The following AGO2 variants were observed in gnomAD, a reference collection of about 807,000 sequenced individuals.
The protein encoded by AGO2 is protein argonaute-2.
A neutral mutation model predicts 102.3 loss-of-function variants in AGO2; 5 were observed. The ratio of observed to expected loss-of-function variants is 0.05; its 90% CI spans 0.03 to 0.10. The LOEUF is 0.10. Ranked by LOEUF, AGO2 falls within the 10% of genes least tolerant of loss-of-function variation. The pLI is 1.00. For synonymous variants in AGO2, 449 were observed against 473.1 expected (o/e 0.95, Z 0.66); for missense variants, 541 against 1,183.7 (o/e 0.46, Z 7.97).
At chr8:140,620,969 A>C (rs2074210211) in intron 1 of AGO2, among the ~76,000 whole-genome samples, 1 of 152,158 alleles carries the variant, frequency 6.6e-6, no homozygotes, top group African/African-American at 2.4e-5. Flanking sequence ...GCTGGAGTGC[A>C]ATGGCATGAT....
At chr8:140,637,402 G>A (rs1421478579), upstream of AGO2, 1 of 152,258 alleles carries the variant, frequency 6.6e-6, no homozygotes, top group Non-Finnish European at 1.5e-5. Context: ...AGAAGGCTCT[G>A]TCATCACTGG....
intron 18 of AGO2, 56 bp from the exon 19 acceptor site, chr8:140,532,208 G>A (rs887753900): frequency 2.6e-5 from 40 of 1,518,238 alleles, no homozygotes; most frequent in Non-Finnish European, 3.5e-5. Context: ...GCACGATGAG[G>A]CAGTGCGTCG....
intron 2 of AGO2, among the ~76,000 whole-genome samples, chr8:140,583,336 C>T (rs2073586779): frequency 6.6e-6 from 1 of 152,202 alleles, no homozygotes; most frequent in Non-Finnish European, 1.5e-5. Flanking sequence ...ATCATGTGAG[C>T]CAATTCCCCT....
chr8:140,588,433 T>C (rs950990596), intron 1 of AGO2, among the ~76,000 whole-genome samples: 1 of 152,010 alleles, frequency 6.6e-6, no homozygotes, highest in African/African-American at 2.4e-5. Flanking sequence ...GTGTAAATAA[T>C]GTACATATCT....
At chr8:140,636,558 C>T (rs2074411277), upstream of AGO2, 1 of 152,304 alleles carries the variant, frequency 6.6e-6, no homozygotes, top group Non-Finnish European at 1.5e-5. Context: ...CACCCCGTGG[C>T]ATCGGCTGTC....
intron 1 of AGO2, among the ~76,000 whole-genome samples, chr8:140,615,435 C>T (rs762565572): frequency 6.6e-6 from 1 of 152,236 alleles, no homozygotes; most frequent in Non-Finnish European, 1.5e-5. Context: ...CTTCTCATGC[C>T]ACAGTGGCCC....
In AGO2 at chr8:140,529,859, C is replaced by T. The variant is rs1378920628; in HGVS notation, c.*2185G>A. 4 of 152,216 alleles carry T rather than the reference C, an allele frequency of 2.6e-5. No individual in the cohort carries two copies. The highest frequency in any genetic ancestry group is 4.4e-5 in the Non-Finnish European group (3 of 68,042). 9.4% of individuals were successfully genotyped at this position (152,216 alleles called of 1,614,324 possible). ...GCCTGACGCAGGTGGAAGAAACACA[C>T]CTTTGAGACACATGGTTCCAGATGA... On this transcript the variant is annotated 3_prime_UTR_variant, in exon 19 of 19. Coordinates refer to ENST00000220592, the MANE Select transcript of AGO2 (RefSeq NM_012154.5).
At chr8:140,547,350 G>A (rs2072918588) in intron 13 of AGO2, 118 bp downstream of exon 13, 22 of 1,266,724 alleles carry the variant, frequency 1.7e-5, no homozygotes, top group South Asian at 4.3e-5. Context: ...TGGCCAGGAC[G>A]GTGCTGGGCC....
intron 3 of AGO2, among the ~76,000 whole-genome samples, chr8:140,563,097 C>T (rs1453767444): frequency 6.6e-6 from 1 of 152,236 alleles, no homozygotes; most frequent in East Asian, 1.9e-4. Flanking sequence ...CACACACGAG[C>T]CCACTCAGGT....
intron 1 of AGO2, among the ~76,000 whole-genome samples, chr8:140,631,459 G>A (rs528239459): frequency 9.2e-4 from 139 of 151,912 alleles, no homozygotes; most frequent in Admixed American, 1.4e-3. Flanking sequence ...GCTTGAACCC[G>A]GGAGGAGGAG....
Position 140,521,815 on chromosome 8 carries a change from A to G in AGO2, c.*10229T>C, listed in dbSNP as rs1275744177. ...ACAGTCCGTTTGCTGCTTATGAAAT[A>G]AACTCTTAGAAAATGTGCCAGAGGA... is the stretch of plus-strand genomic sequence containing the variant. On this transcript the variant is annotated 3_prime_UTR_variant, in exon 19 of 19. Coordinates refer to ENST00000220592, the MANE Select transcript of AGO2 (RefSeq NM_012154.5). 6.6e-6 allele frequency: 1 copy of G among 152,226 alleles called. No individual in the cohort carries two copies. The highest frequency in any genetic ancestry group is 1.9e-4 in the East Asian group (1 of 5,204). 9.4% of individuals were successfully genotyped at this position (152,226 alleles called of 1,614,324 possible).
chr8:140,531,911 G>T lies in AGO2; in HGVS notation c.*133C>A, dbSNP rs1023984736. 3 of 788,152 alleles carry T rather than the reference G, an allele frequency of 3.8e-6. No homozygotes were observed. Among genetic ancestry groups the T allele is most frequent in the South Asian group, 3.4e-5 (2 of 58,118 alleles). The allele number at this position is 788,152 out of a possible 1,614,324, so 48.8% of individuals were successfully genotyped here. A position where few individuals can be genotyped will look rare whatever the true frequency, so the allele number is the denominator to read the frequency against. ...TGGGACGGAAGGCATTCTGGAAAAC[G>T]GAGAATCTAATAAAATCAATGACGT... On this transcript the variant is annotated 3_prime_UTR_variant, in exon 19 of 19. Coordinates refer to ENST00000220592, the MANE Select transcript of AGO2 (RefSeq NM_012154.5).
intron 14 of AGO2, among the ~76,000 whole-genome samples, chr8:140,542,647 G>GA (rs1332383939): frequency 6.6e-6 from 1 of 151,928 alleles, no homozygotes; most frequent in Non-Finnish European, 1.5e-5. Context: ...CATTTGTACA[G>GA]AAAAAAACAA....
At chr8:140,548,631 G>A (rs954791083) in intron 12 of AGO2, among the ~76,000 whole-genome samples, 1 of 152,174 alleles carries the variant, frequency 6.6e-6, no homozygotes, top group Non-Finnish European at 1.5e-5. Context: ...AGAGAAGTGT[G>A]GTTTTTACAT....
At chr8:140,560,215 C>T (rs1048471519) in intron 5 of AGO2, among the ~76,000 whole-genome samples, 159 bp downstream of exon 5, 7 of 152,240 alleles carry the variant, frequency 4.6e-5, no homozygotes, top group Admixed American at 3.3e-4. Context: ...GTAACCCACC[C>T]AACACTGCAG....
At chr8:140,611,330 G>GTTTTTTT (rs57728629) in intron 1 of AGO2, among the ~76,000 whole-genome samples, 3 of 147,848 alleles carry the variant, frequency 2.0e-5, no homozygotes, top group Non-Finnish European at 3.0e-5. Context: ...TTAAGCCTTT[G>GTTTTTTT]TTTTTTTTTT....
chr8:140,604,776 G>A (rs886547636), intron 1 of AGO2, among the ~76,000 whole-genome samples: 4 of 151,478 alleles, frequency 2.6e-5, no homozygotes, highest in East Asian at 2.0e-4. Context: ...GCAGTGAGCC[G>A]AGGTCGCGCC....
At position 140,549,170 on chromosome 8, in the gene AGO2, G is replaced by A. The variant is rs977856581; in HGVS notation, c.1532C>T (p.Thr511Met). The A allele has an allele frequency of 3.1e-6, 5 of 1,613,424 alleles. No homozygotes were observed. The highest frequency in any genetic ancestry group is 1.7e-5 in the Admixed American group (1 of 60,010). Residue 511 changes from threonine (T) to methionine (M), a missense_variant, in exon 12 of 19, where the codon ACG (threonine) becomes ATG (methionine). Around this residue, in one of 6 missense-constraint regions of AGO2, gnomAD observed 309 missense variants for 735.1 expected, o/e 0.42. Coordinates refer to ENST00000220592, the MANE Select transcript of AGO2 (RefSeq NM_012154.5). ...CACCACCAGCTGCAGGCCCGCATAC[G>A]TGTTCTTCAGGTGCCGGAACATGGG... ...VEPMFRHLKNTYAGLQLVVVI... is the reference protein window; with the variant it reads ...VEPMFRHLKNMYAGLQLVVVI...
In AGO2 at chr8:140,625,567, A is replaced by G. The variant is rs189245348; in HGVS notation, c.22+9918T>C. Among the ~76,000 whole-genome samples, 122 of 152,280 alleles carry G rather than the reference A, an allele frequency of 8.0e-4. 3 individuals are homozygous for G. The highest frequency in any genetic ancestry group is 7.6e-3 in the Admixed American group (117 of 15,304). Reference sequence around the variant, plus strand: ...GAGTCCTGTTTTGATGCTGCCCCCAAGCCCTCTCCTCAATCACACACCATG... The same window carrying G: ...GAGTCCTGTTTTGATGCTGCCCCCAGGCCCTCTCCTCAATCACACACCATG... On this transcript the variant is annotated intron_variant, in intron 1 of 18. Coordinates refer to ENST00000220592, the MANE Select transcript of AGO2 (RefSeq NM_012154.5).
Sources: allele counts gnomAD v4.1 joint callset (sites outside exome capture counted in the v4.1 genomes callset), GRCh38; gene constraint gnomAD v4.1.1; regional missense constraint gnomAD v4.1.1; transcripts MANE v1.5; gene names NCBI Gene and HGNC (gene_info 2026-07-23, HGNC 2026-07-21).